Variants in PKNOX2 observed in about 807,000 individuals in gnomAD.
PKNOX2 encodes the protein PBX/knotted 1 homeobox 2, also known as homeobox protein PKNOX2.
In PKNOX2, 14 loss-of-function variants were observed where a neutral mutation model predicts 53.1. That is an observed-to-expected ratio of 0.26 (90% confidence interval 0.17 to 0.41). The LOEUF (loss-of-function observed/expected upper bound fraction) is 0.41. PKNOX2 is among the 10% of genes least tolerant of loss of function. The pLI, the probability that PKNOX2 is intolerant of heterozygous loss-of-function variation, is 1.00. For missense variants in PKNOX2, 496 were observed against 602.8 expected, an observed-to-expected ratio of 0.82 and a Z score of 1.85; for synonymous variants, 257 against 242.8, an observed-to-expected ratio of 1.06 and a Z score of -0.54.
chr11:125,187,776 C>T, intron 1 of PKNOX2, among the ~76,000 whole-genome samples: 1 of 152,152 alleles, frequency 6.6e-6, no homozygotes, highest in East Asian at 1.9e-4. Context: ...TCTGTCTCAC[C>T]ACTGAGTGTG....
rs1954923575 is a variant in PKNOX2, at chr11:125,166,955, A to G, written c.-201+2179A>G. Among the ~76,000 whole-genome samples, 1 of 152,278 alleles carries G rather than the reference A, an allele frequency of 6.6e-6. No individual in the cohort carries two copies. Among genetic ancestry groups the G allele is most frequent in the South Asian group, 2.1e-4 (1 of 4,822 alleles). On this transcript the variant is annotated intron_variant, in intron 1 of 12. Coordinates refer to ENST00000298282, the MANE Select transcript of PKNOX2 (RefSeq NM_001382323.2). The surrounding 1 kb of genome is among the most constrained non-coding windows in gnomAD (Gnocchi z 4.0). ...CTGAGAATGATGGTGTTCAAACATA[A>G]CACGGTGTATTACCCAAAGCCCCTG...
intron 3 of PKNOX2, among the ~76,000 whole-genome samples, chr11:125,346,362 G>A (rs1483264978): frequency 6.6e-6 from 1 of 152,226 alleles, no homozygotes; most frequent in Non-Finnish European, 1.5e-5. Context: ...CATTCAACAA[G>A]CATGTGTGCA....
chr11:125,327,706 C>T (rs949794805), intron 2 of PKNOX2, among the ~76,000 whole-genome samples: 1 of 152,098 alleles, frequency 6.6e-6, no homozygotes, highest in Non-Finnish European at 1.5e-5. Flanking sequence ...GTGAGTGGTC[C>T]CCCTTGTGCT....
chr11:125,423,075 TACATATATACGTATGTATATAC>T (rs1329440560), intron 10 of PKNOX2, among the ~76,000 whole-genome samples: 1 of 152,046 alleles, frequency 6.6e-6, no homozygotes, highest in African/African-American at 2.4e-5. Context: ...TGTATACACA[TACATATATACGTATGTATATAC>T]ACATATATAC....
At chr11:125,202,016 T>A (rs1487607316) in intron 1 of PKNOX2, among the ~76,000 whole-genome samples, 1 of 152,202 alleles carries the variant, frequency 6.6e-6, no homozygotes, top group Non-Finnish European at 1.5e-5. Context: ...AAGCCTTTTG[T>A]TTCCTGTTTG....
At position 125,222,771 on chromosome 11, in the gene PKNOX2, GTGTGTGTA is replaced by G. The variant is rs1022110047; in HGVS notation, c.-200-12258_-200-12251del. On this transcript the variant is annotated intron_variant, in intron 1 of 12. Coordinates refer to ENST00000298282, the MANE Select transcript of PKNOX2 (RefSeq NM_001382323.2). ...TGTGTGCCTGTGTATGTGTGTATGT[GTGTGTGTA>G]TGTGTGTATGTGTGTGTGTGTGTGC... is the stretch of plus-strand genomic sequence containing the variant. Among the ~76,000 whole-genome samples, 43 of 151,478 alleles carry G rather than the reference GTGTGTGTA, an allele frequency of 2.8e-4. 1 individual carries two copies. Among genetic ancestry groups the G allele is most frequent in the East Asian group, 2.5e-3 (13 of 5,148 alleles).
At chr11:125,349,449 G>A (rs1020590507) in intron 3 of PKNOX2, among the ~76,000 whole-genome samples, 1 of 152,224 alleles carries the variant, frequency 6.6e-6, no homozygotes, top group African/African-American at 2.4e-5. Context: ...CCTGCATGCT[G>A]TTGTGAAGAT....
intron 1 of PKNOX2, among the ~76,000 whole-genome samples, chr11:125,172,004 G>A (rs976466873): frequency 2.6e-5 from 4 of 152,220 alleles, no homozygotes; most frequent in Non-Finnish European, 1.5e-5. Flanking sequence ...AGGACAGAGT[G>A]GAGTCACAGG....
At chr11:125,243,162 G>A (rs1018811918) in intron 2 of PKNOX2, among the ~76,000 whole-genome samples, 1 of 152,230 alleles carries the variant, frequency 6.6e-6, no homozygotes, top group Non-Finnish European at 1.5e-5. Context: ...TGATCACTGT[G>A]TTTGAAAATT....
intron 7 of PKNOX2, among the ~76,000 whole-genome samples, chr11:125,399,748 C>T (rs1954625220): frequency 6.6e-6 from 1 of 152,142 alleles, no homozygotes; most frequent in Non-Finnish European, 1.5e-5. Flanking sequence ...GATTTCCCCT[C>T]CTGGGCCCTC....
chr11:125,317,750 A>T (rs1023587827), intron 2 of PKNOX2, among the ~76,000 whole-genome samples: 4 of 152,220 alleles, frequency 2.6e-5, no homozygotes, highest in Non-Finnish European at 5.9e-5. Context: ...TAAGGGTCCT[A>T]GGACTTTTGG....
At chr11:125,221,330 G>A (rs531928141) in intron 1 of PKNOX2, among the ~76,000 whole-genome samples, 1 of 152,128 alleles carries the variant, frequency 6.6e-6, no homozygotes, top group Non-Finnish European at 1.5e-5. Flanking sequence ...AGGGAAGCCA[G>A]GTGAGGGGAA....
At chr11:125,281,943 C>T (rs1006572186) in intron 2 of PKNOX2, among the ~76,000 whole-genome samples, 26 of 152,222 alleles carry the variant, frequency 1.7e-4, no homozygotes, top group African/African-American at 5.5e-4. Flanking sequence ...AAAAGACCAT[C>T]GTTCCAAGTG....
rs537144913 is a variant in PKNOX2, at chr11:125,215,757, A to AAACT, written c.-200-19266_-200-19263dup. 5.7e-3 allele frequency among the ~76,000 whole-genome samples: 861 copies of AAACT among 152,224 alleles called. 2 individuals carry two copies. Among genetic ancestry groups the AAACT allele is most frequent in the African/African-American group, 0.015 (638 of 41,528 alleles). On this transcript the variant is annotated intron_variant, in intron 1 of 12. Coordinates refer to ENST00000298282, the MANE Select transcript of PKNOX2 (RefSeq NM_001382323.2). ...ACAGAGCGAGACTCTGTCTCAAAAT[A>AAACT]AACTAACTAACTAACTAACTAACTA...
At chr11:125,294,002 T>C (rs7115788) in intron 2 of PKNOX2, among the ~76,000 whole-genome samples, 1 of 152,204 alleles carries the variant, frequency 6.6e-6, no homozygotes, top group Non-Finnish European at 1.5e-5. Context: ...TTTTGAGCAA[T>C]GAAAAACTGT....
intron 11 of PKNOX2, 131 bp from the exon 12 acceptor site, chr11:125,429,832 C>A: frequency 9.1e-7 from 1 of 1,095,918 alleles, no homozygotes; most frequent in Non-Finnish European, 1.3e-6. Flanking sequence ...CCTTGCTGGG[C>A]TTTTACATCC....
intron 10 of PKNOX2, among the ~76,000 whole-genome samples, chr11:125,428,585 A>G (rs933487207): frequency 6.6e-6 from 1 of 152,194 alleles, no homozygotes; most frequent in African/African-American, 2.4e-5. Flanking sequence ...AATAGCAGTT[A>G]ACTTAAATTG....
In PKNOX2 at chr11:125,375,272, G is replaced by A. The variant is rs373341394; in HGVS notation, c.227+7287G>A. Among the ~76,000 whole-genome samples, 276 of 152,244 alleles carry A rather than the reference G, an allele frequency of 1.8e-3. 4 individuals are homozygous for A. The South Asian group carries it at 0.032, about 18-fold the overall frequency. ...ACACACACAAGTATTATTACAAGAG[G>A]AGGTTCTTTTGGAAACTCACCGGAT... On this transcript the variant is annotated intron_variant, in intron 5 of 12. Coordinates refer to ENST00000298282, the MANE Select transcript of PKNOX2 (RefSeq NM_001382323.2).
chr11:125,223,769 T>A (rs1941435878), intron 1 of PKNOX2, among the ~76,000 whole-genome samples: 1 of 152,208 alleles, frequency 6.6e-6, no homozygotes. Context: ...ACGTTGGATC[T>A]ATGAAGCTAT....
Sources: allele counts gnomAD v4.1 joint callset (sites outside exome capture counted in the v4.1 genomes callset), GRCh38; gene constraint gnomAD v4.1.1; non-coding constraint Gnocchi (gnomAD v3.1); transcripts MANE v1.5; gene names NCBI Gene and HGNC (gene_info 2026-07-23, HGNC 2026-07-21).